The following TMEM161B variants were observed in gnomAD, a reference collection of about 807,000 sequenced individuals.
TMEM161B encodes transmembrane protein 161B.
TMEM161B carries 34 observed loss-of-function variants against 61.8 expected under a neutral mutation model. That is an observed-to-expected ratio of 0.55 (90% CI 0.42 to 0.73). The LOEUF (loss-of-function observed/expected upper bound fraction) is 0.73, where lower values mean the gene tolerates loss of function less well. Among genes scored for constraint, TMEM161B ranks in the 30% least tolerant of loss-of-function variants. The pLI, the probability that TMEM161B is intolerant of heterozygous loss-of-function variation, is 0.00. For missense variants in TMEM161B, 456 were observed against 558.5 expected (o/e 0.82, Z 1.85); for synonymous variants, 167 against 192.8 (o/e 0.87, Z 1.11).
chr5:88,199,400 G>A (rs1357763832), intron 9 of TMEM161B: 3 of 318,458 alleles, frequency 9.4e-6, no homozygotes, highest in Admixed American at 4.8e-5. Flanking sequence ...AGCAATACAT[G>A]AGATCCTTTT....
intron 5 of TMEM161B, among the ~76,000 whole-genome samples, chr5:88,209,696 G>T (rs568369916): frequency 4.1e-4 from 63 of 152,120 alleles, no homozygotes; most frequent in African/African-American, 1.5e-3. Context: ...TTCCACATTA[G>T]AACACCATCT....
downstream of TMEM161B, among the ~76,000 whole-genome samples, chr5:88,191,137 CAA>C (rs1296901934): frequency 6.6e-6 from 1 of 152,174 alleles, no homozygotes; most frequent in East Asian, 1.9e-4. Context: ...ATCCTGACCA[CAA>C]ATCTCCTTAG....
At chr5:88,201,650 A>AT (rs1471605298) in intron 9 of TMEM161B, 4 of 152,082 alleles carry the variant, frequency 2.6e-5, no homozygotes, top group African/African-American at 9.7e-5. Context: ...CATGACCAAA[A>AT]TCTCAAGGAA....
intron 1 of TMEM161B, 49 bp from the exon 2 acceptor site, chr5:88,240,965 G>A (rs1378020904): frequency 7.5e-7 from 1 of 1,328,122 alleles, no homozygotes. Flanking sequence ...TTTGGATTTG[G>A]GGACATTGCT....
In TMEM161B at chr5:88,208,506, G is replaced by C. The variant is rs564039747; in HGVS notation, c.447-1326C>G. On this transcript the variant is annotated intron_variant, in intron 5 of 11. Transcript: ENST00000296595. Reference sequence around the variant, plus strand: ...CCAAAAAAAAAATTAGCCGGGCATGGTGGCACACGCCTGCAATCCCAGGTA... The same window carrying C: ...CCAAAAAAAAAATTAGCCGGGCATGCTGGCACACGCCTGCAATCCCAGGTA... Among the ~76,000 whole-genome samples, 4 of 152,162 alleles carry C rather than the reference G, an allele frequency of 2.6e-5. No individual in the cohort carries two copies. In the South Asian group the frequency reaches 8.3e-4, roughly 32 times the overall value.
chr5:88,264,313 G>A (rs1193898449), intron 1 of TMEM161B, among the ~76,000 whole-genome samples: 1 of 152,066 alleles, frequency 6.6e-6, no homozygotes, highest in African/African-American at 2.4e-5. Flanking sequence ...CATTTATGTG[G>A]CCAACAAACA....
At chr5:88,220,993 G>A (rs1056178219) in intron 4 of TMEM161B, among the ~76,000 whole-genome samples, 1 of 152,076 alleles carries the variant, frequency 6.6e-6, no homozygotes, top group Admixed American at 6.6e-5. Flanking sequence ...AAGTATGATT[G>A]CAAATTTACT....
intron 1 of TMEM161B, among the ~76,000 whole-genome samples, chr5:88,265,814 T>C (rs1756303409): frequency 6.6e-6 from 1 of 152,144 alleles, no homozygotes; most frequent in Admixed American, 6.5e-5. Context: ...TGGCCTACTC[T>C]CCCACACCTG....
chr5:88,267,180 ACTGTCAAT>A lies in TMEM161B; in HGVS notation c.3+1533_3+1540del, dbSNP rs757656263. Among the ~76,000 whole-genome samples, 3 of 152,204 alleles carry A rather than the reference ACTGTCAAT, an allele frequency of 2.0e-5. 1 individual carries two copies. Among genetic ancestry groups the A allele is most frequent in the Non-Finnish European group, 4.4e-5 (3 of 68,024 alleles). On this transcript the variant is annotated intron_variant, in intron 1 of 11. Transcript: ENST00000296595. Reference sequence around the variant, plus strand: ...AAACTACTGTTACTTTAGAAAAATCACTGTCAATTTCTAGACCCCAGATTCTTTCTTCT... The same window carrying A: ...AAACTACTGTTACTTTAGAAAAATCATTCTAGACCCCAGATTCTTTCTTCT...
chr5:88,235,462 C>T (rs540556600), intron 2 of TMEM161B, among the ~76,000 whole-genome samples: 25 of 152,246 alleles, frequency 1.6e-4, no homozygotes, highest in African/African-American at 6.0e-4. Flanking sequence ...GAGGTGGGAA[C>T]TTTCAGGAGT....
rs764112016 is a variant in TMEM161B at position 88,220,727 on chromosome 5, G to GAAAAAAAAAAAAAAAAAA, written c.290-26_290-9dup. On this transcript the variant is annotated splice_polypyrimidine_tract_variant and intron_variant, in intron 4 of 11. Coordinates refer to ENST00000296595, the MANE Select transcript of TMEM161B (RefSeq NM_153354.5). Reference sequence around the variant, plus strand: ...CTGGAAAGTAATGCAATGCTGGAAAGAAAAAAAAAAAAAAAAAAAAAAAAG... The same window carrying GAAAAAAAAAAAAAAAAAA: ...CTGGAAAGTAATGCAATGCTGGAAAGAAAAAAAAAAAAAAAAAAAAAAAAAAAAAAAAAAAAAAAAAAG... 2.7e-5 allele frequency: 16 copies of GAAAAAAAAAAAAAAAAAA among 602,810 alleles called. No homozygotes were observed. The highest frequency in any genetic ancestry group is 3.7e-5 in the African/African-American group (1 of 26,784). 37.3% of individuals were successfully genotyped at this position (602,810 alleles called of 1,614,324 possible). A position where few individuals can be genotyped will look rare whatever the true frequency, so the allele number is the denominator to read the frequency against.
At chr5:88,210,488 G>A (rs997302676) in intron 5 of TMEM161B, among the ~76,000 whole-genome samples, 1 of 152,120 alleles carries the variant, frequency 6.6e-6, no homozygotes, top group Non-Finnish European at 1.5e-5. Context: ...CACTCTGATT[G>A]CCTTTCTATG....
intron 1 of TMEM161B, among the ~76,000 whole-genome samples, chr5:88,248,725 A>C (rs927066291): frequency 1.3e-5 from 2 of 151,936 alleles, no homozygotes; most frequent in East Asian, 1.9e-4. Context: ...AAAAAAAAAA[A>C]AAAAAACAAC....
chr5:88,254,372 T>C (rs559405782), intron 1 of TMEM161B, among the ~76,000 whole-genome samples: 1 of 152,134 alleles, frequency 6.6e-6, no homozygotes, highest in African/African-American at 2.4e-5. Flanking sequence ...TCAGATCATC[T>C]CCTAAGAACC....
chr5:88,237,738 A>T (rs983385271), intron 2 of TMEM161B, among the ~76,000 whole-genome samples: 1 of 152,118 alleles, frequency 6.6e-6, no homozygotes, highest in Non-Finnish European at 1.5e-5. Context: ...TTAAAAAAAA[A>T]GTTTAAAAGA....
intron 1 of TMEM161B, among the ~76,000 whole-genome samples, chr5:88,266,199 G>A (rs764852736): frequency 1.2e-4 from 18 of 152,174 alleles, no homozygotes; most frequent in Non-Finnish European, 2.2e-4. Flanking sequence ...TAATGTATGA[G>A]AGAATGAGAG....
At chr5:88,237,328 G>C (rs567358921) in intron 2 of TMEM161B, among the ~76,000 whole-genome samples, 6 of 152,098 alleles carry the variant, frequency 3.9e-5, no homozygotes, top group Non-Finnish European at 7.4e-5. Flanking sequence ...TCTCCTGAAA[G>C]ATCCACAGCT....
intron 1 of TMEM161B, 67 bp downstream of exon 1, chr5:88,268,654 C>T (rs1391373071): frequency 5.0e-6 from 8 of 1,610,384 alleles, no homozygotes; most frequent in Non-Finnish European, 6.8e-6. Context: ...TGGCTCTTTT[C>T]ACAGTACTGA....
intron 2 of TMEM161B, among the ~76,000 whole-genome samples, chr5:88,231,202 T>G (rs1307988341): frequency 6.6e-6 from 1 of 152,176 alleles, no homozygotes; most frequent in Non-Finnish European, 1.5e-5. Context: ...ATAAAGCAGT[T>G]TCCTAAGTAC....
Sources: allele counts gnomAD v4.1 joint callset (sites outside exome capture counted in the v4.1 genomes callset), GRCh38; gene constraint gnomAD v4.1.1; transcripts MANE v1.5; gene names NCBI Gene and HGNC (gene_info 2026-07-23, HGNC 2026-07-21).